Variants in MAZ observed in about 807,000 individuals in gnomAD.
MAZ encodes the protein MYC associated zinc finger protein, also known as myc-associated zinc finger protein.
A neutral mutation model predicts 32.7 loss-of-function variants in MAZ; 4 were observed. The ratio of observed to expected loss-of-function variants is 0.12; its 90% CI spans 0.06 to 0.28. MAZ has a LOEUF of 0.28. MAZ is among the 10% of genes least tolerant of loss of function. The pLI is 1.00. For synonymous variants in MAZ, 510 were observed against 297.6 expected (o/e 1.71, Z -7.35); for missense variants, 763 against 667.2 (o/e 1.14, Z -1.58).
At position 29,810,071 on chromosome 16, in the gene MAZ, G is replaced by A. The variant is rs1419414283; in HGVS notation, c.1280-6G>A. The A allele has an allele frequency of 6.2e-6, 10 of 1,607,658 alleles. No homozygotes were observed. The highest frequency in any genetic ancestry group is 7.6e-6 in the Non-Finnish European group (9 of 1,176,880). On this transcript the variant is annotated splice_region_variant and splice_polypyrimidine_tract_variant and intron_variant, in intron 4 of 4. Coordinates refer to ENST00000322945, the MANE Select transcript of MAZ (RefSeq NM_002383.4). The stretch of plus-strand genomic sequence containing the variant: ...CGCTGTGATCCGTGGTGTTTCTCCT[G>A]TGCAGGTACTGGTGAGGTTTGTCCA...
At chr16:29,808,535 C>T (rs1345192157) in intron 3 of MAZ, 35 bp from the exon 4 acceptor site, 8 of 1,527,982 alleles carry the variant, frequency 5.2e-6, no homozygotes, top group South Asian at 1.2e-5. Context: ...TTTAACTCTC[C>T]TGTGACACCC....
At chr16:29,808,937 G>A (rs536366999) in intron 4 of MAZ, 196 bp downstream of exon 4, 1 of 595,590 alleles carries the variant, frequency 1.7e-6, no homozygotes, top group Non-Finnish European at 2.9e-6. Flanking sequence ...TGGAAGAGAT[G>A]ATCTGCCAGA....
At chr16:29,809,345 A>C in intron 4 of MAZ, 2 of 587,464 alleles carry the variant, frequency 3.4e-6, no homozygotes, top group Non-Finnish European at 6.0e-6. Flanking sequence ...CGGGCACCAC[A>C]CAAGCCAGGC....
At position 29,810,666 on chromosome 16, in the gene MAZ, T is replaced by TC. The variant is rs1373361928; in HGVS notation, c.*435_*436insC. 3.9e-6 allele frequency: 2 copies of TC among 508,286 alleles called. No homozygotes were observed. The highest frequency in any genetic ancestry group is 7.4e-5 in the East Asian group (2 of 27,058). 31.5% of individuals were successfully genotyped at this position (508,286 alleles called of 1,614,324 possible). ...GGGAGTTGGTGCTTTCTTTTCCTTT[T>TC]TTTTTTTTTTCCAGGGGGAGGGAGG... On this transcript the variant is annotated 3_prime_UTR_variant, in exon 5 of 5. Transcript: ENST00000322945.
rs975068231 is a variant in MAZ, at chr16:29,809,801, GGT to G, written c.1280-272_1280-271del. The G allele has an allele frequency of 6.0e-6, 7 of 1,159,584 alleles. No homozygotes were observed. In the African/African-American group the frequency reaches 6.2e-5, roughly 10 times the overall value. The allele number at this position is 1,159,584 out of a possible 1,614,324, so 71.8% of individuals were successfully genotyped here. ...GGCATGGCTGGGGGGCGGGATGGGG[GGT>G]GTGGGGGACAACGGGGCTCAAAGGG... On this transcript the variant is annotated intron_variant, in intron 4 of 4. Coordinates refer to ENST00000322945, the MANE Select transcript of MAZ (RefSeq NM_002383.4).
rs71650270 is a variant in MAZ, at chr16:29,810,662, C to CT, written c.*445dup. The CT allele has an allele frequency of 0.092, 38,646 of 419,320 alleles. 381 individuals carry two copies. The highest frequency in any genetic ancestry group is 0.15 in the African/African-American group (6,729 of 46,154). 26.0% of individuals were successfully genotyped at this position (419,320 alleles called of 1,614,324 possible). On this transcript the variant is annotated 3_prime_UTR_variant, in exon 5 of 5. Transcript: ENST00000322945. The stretch of plus-strand genomic sequence containing the variant: ...CCCGGGGAGTTGGTGCTTTCTTTTC[C>CT]TTTTTTTTTTTTTTCCAGGGGGAGG...
Position 29,810,266 on chromosome 16 carries a change from G to C in MAZ, c.*35G>C. ...TGGTTGCGGGGGAGAGGGGAGAATG[G>C]AGTAGAGTCCCTTGGTACAAGCTCC... is the stretch of plus-strand genomic sequence containing the variant. On this transcript the variant is annotated 3_prime_UTR_variant, in exon 5 of 5. Transcript: ENST00000322945. The C allele has an allele frequency of 6.5e-7, 1 of 1,549,314 alleles. No homozygotes were observed. The highest frequency in any genetic ancestry group is 1.2e-5 in the South Asian group (1 of 85,056).
chr16:29,807,670 C>T lies in MAZ; in HGVS notation c.885C>T (p.Asn295=), dbSNP rs574813264. Residue 295 remains asparagine, a synonymous_variant, in exon 2 of 5, where the codon AAC becomes AAT. Coordinates refer to ENST00000322945, the MANE Select transcript of MAZ (RefSeq NM_002383.4). ...CCTTCCGCGACGTCTACCACCTGAACCGACACAAGCTGTCGCACTCGGACG... is the reference window on the plus strand; with the variant it reads ...CCTTCCGCGACGTCTACCACCTGAATCGACACAAGCTGTCGCACTCGGACG... ...GKAFRDVYHL[N]RHKLSHSDEK... 18 of 1,612,908 alleles carry T rather than the reference C, an allele frequency of 1.1e-5. 1 individual carries two copies. The Admixed American group carries it at 2.7e-4, about 24-fold the overall frequency.
intron 4 of MAZ, chr16:29,809,082 C>T (rs561862188): frequency 7.7e-6 from 4 of 522,818 alleles, no homozygotes; most frequent in African/African-American, 3.9e-5. Context: ...GGTCTTGTCT[C>T]CAGCTCCTGG....
In MAZ at chr16:29,806,791, C is replaced by T. The variant is rs762222843; in HGVS notation, c.90C>T (p.Ser30=). Residue 30 remains serine, a synonymous_variant, in exon 1 of 5, where the codon TCC becomes TCT. Coordinates refer to ENST00000322945, the MANE Select transcript of MAZ (RefSeq NM_002383.4). ...DSRGVGGLMN[S]FPPPQGHAQN... The stretch of plus-strand genomic sequence containing the variant: ...GGGGGGTGGGCGGCCTCATGAACTC[C>T]TTCCCGCCACCTCAGGGTCACGCCC... The T allele has an allele frequency of 2.5e-5, 36 of 1,434,632 alleles. No homozygotes were observed. The highest frequency in any genetic ancestry group is 8.0e-5 in the South Asian group (6 of 74,756). The allele number at this position is 1,434,632 out of a possible 1,614,324, so 88.9% of individuals were successfully genotyped here.
rs767684774 is a variant in MAZ at position 29,806,821 on chromosome 16, C to T, written c.120C>T (p.Asn40=). 1.1e-4 allele frequency: 158 copies of T among 1,446,852 alleles called. 3 individuals are homozygous for T. Among genetic ancestry groups the T allele is most frequent in the Middle Eastern group, 3.7e-4 (2 of 5,446 alleles). 89.6% of individuals were successfully genotyped at this position (1,446,852 alleles called of 1,614,324 possible). A position where few individuals can be genotyped will look rare whatever the true frequency, so the allele number is the denominator to read the frequency against. ...CGCCACCTCAGGGTCACGCCCAGAA[C>T]CCCCTGCAGGTCGGGGCTGAGCTCC... is the stretch of plus-strand genomic sequence containing the variant. ...SFPPPQGHAQ[N]PLQVGAELQS... is the part of the protein sequence containing the mutation. The change falls in exon 1 of 5, where the codon AAC becomes AAT. Residue 40 remains asparagine (N), a synonymous_variant. Coordinates refer to ENST00000322945, the MANE Select transcript of MAZ (RefSeq NM_002383.4).
chr16:29,808,920 T>A, intron 4 of MAZ, 179 bp downstream of exon 4: 1 of 611,754 alleles, frequency 1.6e-6, no homozygotes, highest in Non-Finnish European at 2.8e-6. Flanking sequence ...CTCTAAGAAG[T>A]CCTGGTTGGA....
chr16:29,808,049 G>A (rs1198764979), intron 2 of MAZ, 181 bp from the exon 3 acceptor site: 1 of 1,042,018 alleles, frequency 9.6e-7, no homozygotes, highest in South Asian at 1.5e-5. Flanking sequence ...TCGCGTGGGA[G>A]GAGGCGGCGG....
Position 29,808,605 on chromosome 16 carries a change from G to T in MAZ, c.1143G>T (p.Leu381=). Residue 381 remains leucine, a synonymous_variant, in exon 4 of 5, where the codon CTG becomes CTT. Coordinates refer to ENST00000322945, the MANE Select transcript of MAZ (RefSeq NM_002383.4). The stretch of plus-strand genomic sequence containing the variant: ...CAGCTTTCGCCACGAAGGATCGGCT[G>T]CGGGCGCACACAGTACGACACGAGG... ...CEAAFATKDR[L]RAHTVRHEEK... 1 of 1,613,134 alleles carries T rather than the reference G, an allele frequency of 6.2e-7. No homozygotes were observed. Among genetic ancestry groups the T allele is most frequent in the Non-Finnish European group, 8.5e-7 (1 of 1,179,876 alleles).
chr16:29,810,670 T>C lies in MAZ; in HGVS notation c.*439T>C, dbSNP rs977126788. On this transcript the variant is annotated 3_prime_UTR_variant, in exon 5 of 5. Transcript: ENST00000322945. ...GTTGGTGCTTTCTTTTCCTTTTTTTTTTTTTTCCAGGGGGAGGGAGGAGAG... is the reference window on the plus strand; with the variant it reads ...GTTGGTGCTTTCTTTTCCTTTTTTTCTTTTTTCCAGGGGGAGGGAGGAGAG... 4 of 514,558 alleles carry C rather than the reference T, an allele frequency of 7.8e-6. No individual in the cohort carries two copies. The highest frequency in any genetic ancestry group is 5.8e-5 in the African/African-American group (3 of 51,504). 31.9% of individuals were successfully genotyped at this position (514,558 alleles called of 1,614,324 possible). A position where few individuals can be genotyped will look rare whatever the true frequency, so the allele number is the denominator to read the frequency against.
rs544101797 is a variant in MAZ at position 29,809,175 on chromosome 16, C to G, written c.1279+434C>G. 5.9e-5 allele frequency: 29 copies of G among 489,068 alleles called. 1 individual carries two copies. The highest frequency in any genetic ancestry group is 1.0e-4 in the Non-Finnish European group (28 of 276,704). 30.3% of individuals were successfully genotyped at this position (489,068 alleles called of 1,614,324 possible). On this transcript the variant is annotated intron_variant, in intron 4 of 4. Transcript: ENST00000322945. Reference sequence around the variant, plus strand: ...GAAAGCTGCCTTCAGTCAGACTCACCGGTTAACTGGGTTGAGACCGCGGGG... The same window carrying G: ...GAAAGCTGCCTTCAGTCAGACTCACGGGTTAACTGGGTTGAGACCGCGGGG...
Position 29,806,829 on chromosome 16 carries a change from A to T in MAZ, c.128A>T (p.Gln43Leu). The change falls in exon 1 of 5, where the codon CAG (glutamine) becomes CTG (leucine). Residue 43 changes from glutamine to leucine, a missense_variant. Coordinates refer to ENST00000322945, the MANE Select transcript of MAZ (RefSeq NM_002383.4). Reference protein sequence around the residue: ...PPQGHAQNPLQVGAELQSRFF... With the variant: ...PPQGHAQNPLLVGAELQSRFF... ...CAGGGTCACGCCCAGAACCCCCTGCAGGTCGGGGCTGAGCTCCAGTCCCGC... is the reference window on the plus strand; with the variant it reads ...CAGGGTCACGCCCAGAACCCCCTGCTGGTCGGGGCTGAGCTCCAGTCCCGC... 1.4e-6 allele frequency: 2 copies of T among 1,427,434 alleles called. No homozygotes were observed. The highest frequency in any genetic ancestry group is 1.9e-6 in the Non-Finnish European group (2 of 1,079,696). The allele number at this position is 1,427,434 out of a possible 1,614,324, so 88.4% of individuals were successfully genotyped here. A position where few individuals can be genotyped will look rare whatever the true frequency, so the allele number is the denominator to read the frequency against.
Position 29,810,074 on chromosome 16 carries a change from C to T in MAZ, c.1280-3C>T. 6.2e-7 allele frequency: 1 copy of T among 1,607,424 alleles called. No individual in the cohort carries two copies. Among genetic ancestry groups the T allele is most frequent in the Non-Finnish European group, 8.5e-7 (1 of 1,176,748 alleles). On this transcript the variant is annotated splice_region_variant and splice_polypyrimidine_tract_variant and intron_variant, in intron 4 of 4. Coordinates refer to ENST00000322945, the MANE Select transcript of MAZ (RefSeq NM_002383.4). ...TGTGATCCGTGGTGTTTCTCCTGTG[C>T]AGGTACTGGTGAGGTTTGTCCAATG...
Position 29,810,923 on chromosome 16 carries a change from G to A in MAZ, c.*692G>A, listed in dbSNP as rs575020721. On this transcript the variant is annotated 3_prime_UTR_variant, in exon 5 of 5. Coordinates refer to ENST00000322945, the MANE Select transcript of MAZ (RefSeq NM_002383.4). ...AAGAGATGGAGTCTTAGGGGCCAGG[G>A]TGAGCGAGGGGTCCAGGGCCTAGAG... 1.6e-4 allele frequency: 57 copies of A among 350,286 alleles called. No individual in the cohort carries two copies. Among genetic ancestry groups the A allele is most frequent in the Middle Eastern group, 8.9e-4 (1 of 1,128 alleles). The allele number at this position is 350,286 out of a possible 1,614,324, so 21.7% of individuals were successfully genotyped here.
Sources: allele counts gnomAD v4.1 joint callset, GRCh38; gene constraint gnomAD v4.1.1; transcripts MANE v1.5; gene names NCBI Gene and HGNC (gene_info 2026-07-23, HGNC 2026-07-21).